R3HDM2: variants seen among roughly 807,000 people sequenced by gnomAD.
The protein encoded by R3HDM2 is R3H domain-containing protein 2.
Under a neutral mutation model 124.5 loss-of-function variants are expected in R3HDM2, and 38 were observed. The ratio of observed to expected loss-of-function variants is 0.31; its 90% CI spans 0.24 to 0.40. The LOEUF is 0.40. R3HDM2 is among the 10% of genes least tolerant of loss of function. R3HDM2 has a pLI of 1.00. For synonymous variants in R3HDM2, 391 were observed against 448.0 expected, an observed-to-expected ratio of 0.87 and a Z score of 1.61; for missense variants, 869 against 1,236.9, an observed-to-expected ratio of 0.70 and a Z score of 4.46.
At chr12:57,430,021 G>C (rs560329116) in intron 1 of R3HDM2, among the ~76,000 whole-genome samples, 9 of 152,176 alleles carry the variant, frequency 5.9e-5, no homozygotes, top group Admixed American at 4.6e-4. Context: ...CATCCAACTG[G>C]GATCTGAATT....
chr12:57,310,539 C>T (rs894723862), intron 2 of R3HDM2, 76 bp from the exon 3 acceptor site: 6 of 765,170 alleles, frequency 7.8e-6, no homozygotes, highest in South Asian at 6.1e-5. Context: ...GTATTTCACA[C>T]GGGTACATTT....
intron 2 of R3HDM2, among the ~76,000 whole-genome samples, chr12:57,389,613 A>G (rs2066365395): frequency 6.6e-6 from 1 of 152,244 alleles, no homozygotes; most frequent in Non-Finnish European, 1.5e-5. Context: ...TCTAAAACAA[A>G]TAATAAAGCT....
chr12:57,380,496 T>C (rs906053009), intron 2 of R3HDM2, among the ~76,000 whole-genome samples: 1 of 152,116 alleles, frequency 6.6e-6, no homozygotes, highest in African/African-American at 2.4e-5. Context: ...AAGGGGAAGG[T>C]TGCAGATGTT....
chr12:57,294,195 C>G (rs933166017), intron 10 of R3HDM2, among the ~76,000 whole-genome samples: 1 of 152,114 alleles, frequency 6.6e-6, no homozygotes, highest in Admixed American at 6.5e-5. Flanking sequence ...AATTATTATG[C>G]TTGTTATTAA....
chr12:57,377,624 CA>C (rs1282324346), intron 2 of R3HDM2, among the ~76,000 whole-genome samples: 1 of 152,076 alleles, frequency 6.6e-6, no homozygotes, highest in Non-Finnish European at 1.5e-5. Flanking sequence ...TTTCTTTTCT[CA>C]AAAACTCAGT....
At chr12:57,403,088 G>T (rs2068190641) in intron 1 of R3HDM2, among the ~76,000 whole-genome samples, 1 of 152,028 alleles carries the variant, frequency 6.6e-6, no homozygotes, top group South Asian at 2.1e-4. Context: ...AGGCACGGTG[G>T]CTCATACCTG....
At chr12:57,402,594 C>T (rs1349039650) in intron 1 of R3HDM2, among the ~76,000 whole-genome samples, 2 of 152,024 alleles carry the variant, frequency 1.3e-5, no homozygotes. Flanking sequence ...AATGGCGAAA[C>T]CCCATCTCTA....
At chr12:57,398,315 ATTGT>A (rs1468240148) in intron 1 of R3HDM2, among the ~76,000 whole-genome samples, 1 of 152,188 alleles carries the variant, frequency 6.6e-6, no homozygotes, top group African/African-American at 2.4e-5. Context: ...CAGTTTTCTA[ATTGT>A]TTGGTGCATT....
chr12:57,319,563 C>G (rs963343359), intron 2 of R3HDM2, among the ~76,000 whole-genome samples: 4 of 152,134 alleles, frequency 2.6e-5, no homozygotes, highest in Non-Finnish European at 5.9e-5. Flanking sequence ...TCATAAAGAA[C>G]AAGCTTAATC....
chr12:57,323,574 C>T (rs1209975684), intron 2 of R3HDM2, among the ~76,000 whole-genome samples: 1 of 152,138 alleles, frequency 6.6e-6, no homozygotes, highest in African/African-American at 2.4e-5. Flanking sequence ...GTAAGGAAAC[C>T]CATAGGAACT....
chr12:57,266,976 T>C (rs2042573864), intron 18 of R3HDM2, 145 bp from the exon 19 acceptor site: 1 of 583,784 alleles, frequency 1.7e-6, no homozygotes, highest in Non-Finnish European at 3.1e-6. Flanking sequence ...ATGCAATTTC[T>C]AAAATCACTC....
At position 57,277,099 on chromosome 12, in the gene R3HDM2, CAAAAAA is replaced by C. The variant is rs11321648; in HGVS notation, c.1344+3253_1344+3258del. 2.8e-5 allele frequency among the ~76,000 whole-genome samples: 3 copies of C among 106,410 alleles called. No individual in the cohort carries two copies. The Admixed American group carries it at 3.0e-4, about 11-fold the overall frequency. The allele number at this position is 106,410 out of a possible 152,430, so 69.8% of individuals were successfully genotyped here. On this transcript the variant is annotated intron_variant, in intron 14 of 23. Transcript: ENST00000402412. ...AACTTATGGAAAAATAAATAATGAA[CAAAAAA>C]AAAAAAAAAAAAGACTGCCCTGAGG...
At chr12:57,294,632 C>T (rs184389595) in intron 10 of R3HDM2, among the ~76,000 whole-genome samples, 2 of 152,280 alleles carry the variant, frequency 1.3e-5, no homozygotes, top group East Asian at 3.9e-4. Context: ...CTCAACCACG[C>T]TCTTCAAATC....
intron 2 of R3HDM2, among the ~76,000 whole-genome samples, chr12:57,329,536 T>A (rs539901050): frequency 4.6e-5 from 7 of 152,220 alleles, no homozygotes; most frequent in Non-Finnish European, 1.0e-4. Flanking sequence ...TAGTTCCCCC[T>A]AATCATTTTA....
intron 2 of R3HDM2, among the ~76,000 whole-genome samples, chr12:57,318,272 A>G (rs1314384365): frequency 2.6e-5 from 4 of 152,118 alleles, no homozygotes; most frequent in Admixed American, 2.6e-4. Context: ...AACCTGGGCA[A>G]AAAGGCAAGA....
intron 1 of R3HDM2, among the ~76,000 whole-genome samples, chr12:57,396,090 A>G (rs2067457388): frequency 1.3e-5 from 2 of 152,158 alleles, no homozygotes; most frequent in Admixed American, 6.6e-5. Flanking sequence ...TTTCTAACAT[A>G]AATTAATCAC....
chr12:57,349,708 G>A (rs1318179452), intron 2 of R3HDM2, among the ~76,000 whole-genome samples: 2 of 151,552 alleles, frequency 1.3e-5, no homozygotes, highest in African/African-American at 4.8e-5. Context: ...CTACAAGCAT[G>A]TGCCACCACG....
intron 1 of R3HDM2, among the ~76,000 whole-genome samples, chr12:57,429,961 G>A (rs563106322): frequency 4.6e-5 from 7 of 152,248 alleles, no homozygotes; most frequent in African/African-American, 1.4e-4. Context: ...CAGGACTCAG[G>A]CTTCTCAATC....
At chr12:57,313,997 T>C (rs765746703) in intron 2 of R3HDM2, among the ~76,000 whole-genome samples, 4 of 150,426 alleles carry the variant, frequency 2.7e-5, no homozygotes, top group Non-Finnish European at 5.9e-5. Flanking sequence ...GAGACCAGAC[T>C]GACCAACATG....
Sources: allele counts gnomAD v4.1 joint callset (sites outside exome capture counted in the v4.1 genomes callset), GRCh38; gene constraint gnomAD v4.1.1; transcripts MANE v1.5; gene names NCBI Gene and HGNC (gene_info 2026-07-23, HGNC 2026-07-21).